Variants in RORA observed in about 807,000 individuals in gnomAD.
RORA encodes the protein nuclear receptor ROR-alpha.
Under a neutral mutation model 69.5 loss-of-function variants are expected in RORA, and 7 were observed. The observed-to-expected ratio is 0.10, with a 90% CI of 0.06 to 0.19. The LOEUF is 0.19. Among genes scored for constraint, RORA ranks in the 10% least tolerant of loss-of-function variants. RORA has a pLI of 1.00. For missense variants in RORA, 457 were observed against 663.0 expected (o/e 0.69, Z 3.41); for synonymous variants, 261 against 240.8 (o/e 1.08, Z -0.78).
At chr15:61,120,545 A>G (rs2079093073) in intron 1 of RORA, among the ~76,000 whole-genome samples, 2 of 151,708 alleles carry the variant, frequency 1.3e-5, no homozygotes, top group Admixed American at 1.3e-4. Context: ...TAAAAATGCA[A>G]AAAAAATTAG....
chr15:60,500,035 T>C, intron 9 of RORA, 31 bp from the exon 10 acceptor site: 1 of 1,340,564 alleles, frequency 7.5e-7, no homozygotes, highest in Non-Finnish European at 1.1e-6. Context: ...TTCTTTAGCA[T>C]TCCTCTGACA....
At chr15:60,572,803 A>G (rs1225442960) in intron 2 of RORA, among the ~76,000 whole-genome samples, 4 of 152,214 alleles carry the variant, frequency 2.6e-5, no homozygotes, top group Non-Finnish European at 5.9e-5. Flanking sequence ...CTTGAATACA[A>G]AAACAACCTG....
At chr15:61,165,434 C>G (rs185479312) in intron 1 of RORA, among the ~76,000 whole-genome samples, 13 of 152,352 alleles carry the variant, frequency 8.5e-5, no homozygotes, top group Non-Finnish European at 1.8e-4. Context: ...AGTCCTTTAT[C>G]TAATTCCCTC....
intron 2 of RORA, among the ~76,000 whole-genome samples, chr15:60,591,357 C>T (rs867697692): frequency 8.2e-4 from 125 of 152,304 alleles, no homozygotes; most frequent in African/African-American, 2.9e-3. Context: ...GCAACCGTCC[C>T]AAGAGCGAGT....
rs73430882 is a variant in RORA, at chr15:61,117,205, G to A, written c.166+111848C>T. On this transcript the variant is annotated intron_variant, in intron 1 of 10. Transcript: ENST00000335670. ...TTTTTTTTTTTTTTTAACATAAACTGCCTCAGCCAACAAATCTGATTAAAA... is the reference window on the plus strand; with the variant it reads ...TTTTTTTTTTTTTTTAACATAAACTACCTCAGCCAACAAATCTGATTAAAA... Among the ~76,000 whole-genome samples, 405 of 133,956 alleles carry A rather than the reference G, an allele frequency of 3.0e-3. 2 individuals carry two copies. Among genetic ancestry groups the A allele is most frequent in the African/African-American group, 0.011 (374 of 35,144 alleles). 87.9% of individuals were successfully genotyped at this position (133,956 alleles called of 152,430 possible). A position where few individuals can be genotyped will look rare whatever the true frequency, so the allele number is the denominator to read the frequency against.
chr15:60,952,587 G>T lies in RORA; in HGVS notation c.167-273901C>A, dbSNP rs1205487106. Among the ~76,000 whole-genome samples, 5 of 152,124 alleles carry T rather than the reference G, an allele frequency of 3.3e-5. No homozygotes were observed. In the East Asian group the frequency reaches 9.6e-4, roughly 29 times the overall value. On this transcript the variant is annotated intron_variant, in intron 1 of 10. Coordinates refer to ENST00000335670, the MANE Select transcript of RORA (RefSeq NM_134261.3). ...CTGCTTAAGCTGATAAGCAACTTCA[G>T]CAAAGTCTCAGGATACAAAATCACT... is the stretch of plus-strand genomic sequence containing the variant.
chr15:60,837,316 G>C (rs1030814717), intron 1 of RORA, among the ~76,000 whole-genome samples: 1 of 152,006 alleles, frequency 6.6e-6, no homozygotes, highest in Non-Finnish European at 1.5e-5. Context: ...AACTGACTAG[G>C]AAAAAAATGA....
chr15:60,991,241 T>C (rs941402096), intron 1 of RORA, among the ~76,000 whole-genome samples: 18 of 151,898 alleles, frequency 1.2e-4, no homozygotes, highest in African/African-American at 3.6e-4. Context: ...AGAACAAATA[T>C]CAGTAAAGCA....
At chr15:60,663,842 A>C (rs184018690) in intron 2 of RORA, among the ~76,000 whole-genome samples, 1 of 152,364 alleles carries the variant, frequency 6.6e-6, no homozygotes. Flanking sequence ...TCACACACAG[A>C]ATGTGAGAAG....
chr15:60,559,115 C>T (rs1187981101), intron 2 of RORA, among the ~76,000 whole-genome samples: 1 of 151,600 alleles, frequency 6.6e-6, no homozygotes, highest in Non-Finnish European at 1.5e-5. Context: ...TATTACACAT[C>T]AAAGTGTAAT....
intron 1 of RORA, among the ~76,000 whole-genome samples, chr15:61,077,198 G>A (rs2078464465): frequency 6.6e-6 from 1 of 151,396 alleles, no homozygotes; most frequent in Admixed American, 6.6e-5. Flanking sequence ...TGTGATCAAG[G>A]GGGAATATAT....
intron 2 of RORA, among the ~76,000 whole-genome samples, chr15:60,636,002 G>A (rs2069832070): frequency 6.6e-6 from 1 of 152,102 alleles, no homozygotes; most frequent in South Asian, 2.1e-4. Flanking sequence ...AGTGGTTATG[G>A]AGTCTGTAAG....
intron 1 of RORA, among the ~76,000 whole-genome samples, chr15:60,954,082 C>G (rs1479198654): frequency 6.7e-6 from 1 of 149,348 alleles, no homozygotes. Context: ...GAAAATGTGG[C>G]ACATATACAC....
chr15:60,936,576 C>G (rs1038164837), intron 1 of RORA, among the ~76,000 whole-genome samples: 7 of 151,330 alleles, frequency 4.6e-5, no homozygotes, highest in African/African-American at 1.5e-4. Context: ...AGCCCCCAAA[C>G]GGGGATCACA....
chr15:60,702,817 G>A (rs1461703290), intron 1 of RORA, among the ~76,000 whole-genome samples: 1 of 152,080 alleles, frequency 6.6e-6, no homozygotes, highest in Non-Finnish European at 1.5e-5. Flanking sequence ...ACTTTAACTC[G>A]GTTTGTTTGG....
chr15:61,198,717 A>C (rs865889821), intron 1 of RORA, among the ~76,000 whole-genome samples: 33 of 151,518 alleles, frequency 2.2e-4, no homozygotes, highest in Middle Eastern at 6.9e-3. Flanking sequence ...ACTGATACCT[A>C]TTTATTTTCT....
At chr15:60,949,513 T>G (rs1893015353) in intron 1 of RORA, among the ~76,000 whole-genome samples, 1 of 152,208 alleles carries the variant, frequency 6.6e-6, no homozygotes, top group South Asian at 2.1e-4. Context: ...GCAGCTGCTG[T>G]GTGTGGACAC....
chr15:60,728,576 A>C (rs2071393038), intron 1 of RORA, among the ~76,000 whole-genome samples: 1 of 152,238 alleles, frequency 6.6e-6, no homozygotes, highest in Admixed American at 6.5e-5. Flanking sequence ...ATTCACTTAT[A>C]AAGTTGAATG....
intron 1 of RORA, among the ~76,000 whole-genome samples, chr15:60,859,395 CTTGGGA>C (rs2073413704): frequency 1.3e-5 from 1 of 77,572 alleles, no homozygotes; most frequent in African/African-American, 5.3e-5. Context: ...ACCTTGGGAC[CTTGGGA>C]CCTTGGGACC....
Sources: gnomAD v4.1 joint callset for allele counts (sites outside exome capture counted in the v4.1 genomes callset) on GRCh38, gnomAD v4.1.1 for gene constraint, MANE v1.5 for transcripts, NCBI Gene and HGNC (gene_info 2026-07-23, HGNC 2026-07-21) for gene names.